NALCN: variants seen among roughly 807,000 people sequenced by gnomAD.
The protein encoded by NALCN is sodium leak channel NALCN.
A neutral mutation model predicts 225.3 loss-of-function variants in NALCN; 111 were observed. That is an observed-to-expected ratio of 0.49 (90% CI 0.42 to 0.58). The LOEUF is 0.58. NALCN is among the 20% of genes least tolerant of loss of function. The pLI is 0.00. For synonymous variants in NALCN, 764 were observed against 769.0 expected (o/e 0.99, Z 0.11); for missense variants, 1,378 against 2,202.4 (o/e 0.63, Z 7.49).
chr13:101,073,713 T>G, intron 36 of NALCN, 36 bp from the exon 37 acceptor site: 3 of 1,555,258 alleles, frequency 1.9e-6, no homozygotes, highest in Non-Finnish European at 2.6e-6. Context: ...GAATGTGAAT[T>G]ATAGAAGGGT....
In NALCN at chr13:101,089,651, A is replaced by G. The variant is rs749564942; in HGVS notation, c.3489+12T>C. On this transcript the variant is annotated intron_variant, in intron 30 of 43. Coordinates refer to ENST00000251127, the MANE Select transcript of NALCN (RefSeq NM_052867.4). The surrounding 1 kb of genome is among the most constrained non-coding windows in gnomAD (Gnocchi z 4.7). ...GGCTAAACCCTGTGGTATCCAAACCAAAAATCCTTACCTTGTTTTCATTGA... is the reference window on the plus strand; with the variant it reads ...GGCTAAACCCTGTGGTATCCAAACCGAAAATCCTTACCTTGTTTTCATTGA... The G allele has an allele frequency of 1.9e-6, 3 of 1,612,450 alleles. No individual in the cohort carries two copies. The highest frequency in any genetic ancestry group is 2.5e-6 in the Non-Finnish European group (3 of 1,179,534).
intron 18 of NALCN, among the ~76,000 whole-genome samples, chr13:101,121,554 C>G (rs1297672120): frequency 6.6e-6 from 1 of 152,076 alleles, no homozygotes; most frequent in Non-Finnish European, 1.5e-5. Flanking sequence ...GGCGAGGAAC[C>G]TCTTGGATAA....
intron 3 of NALCN, among the ~76,000 whole-genome samples, chr13:101,392,680 T>C (rs1394426855): frequency 6.6e-6 from 1 of 152,144 alleles, no homozygotes; most frequent in Non-Finnish European, 1.5e-5. Flanking sequence ...TTTAAGTAAG[T>C]AAAAGCAACT....
intron 17 of NALCN, among the ~76,000 whole-genome samples, chr13:101,131,557 T>A (rs2036521802): frequency 6.6e-6 from 1 of 152,158 alleles, no homozygotes; most frequent in African/African-American, 2.4e-5. Flanking sequence ...CTTTTATCCT[T>A]ATCACTCTTG....
At chr13:101,355,707 C>G (rs1229705122) in intron 6 of NALCN, among the ~76,000 whole-genome samples, 1 of 152,134 alleles carries the variant, frequency 6.6e-6, no homozygotes, top group Non-Finnish European at 1.5e-5. Flanking sequence ...ACCTAATGGA[C>G]ATCTATAGAA....
intron 17 of NALCN, among the ~76,000 whole-genome samples, chr13:101,133,158 C>A (rs778409105): frequency 6.6e-6 from 1 of 152,126 alleles, no homozygotes; most frequent in Non-Finnish European, 1.5e-5. Context: ...CTTTAGGATG[C>A]GGCAATGCTT....
chr13:101,392,036 A>G (rs2047162978), intron 3 of NALCN, among the ~76,000 whole-genome samples: 1 of 151,748 alleles, frequency 6.6e-6, no homozygotes, highest in African/African-American at 2.4e-5. Context: ...AAATAAAAAT[A>G]AAAATAAAAC....
chr13:101,157,203 A>G (rs2037946726), intron 15 of NALCN, among the ~76,000 whole-genome samples: 1 of 152,154 alleles, frequency 6.6e-6, no homozygotes, highest in African/African-American at 2.4e-5. Flanking sequence ...AAACTAGCTA[A>G]ATACATGTAT....
chr13:101,244,856 C>A (rs183696511), intron 11 of NALCN, among the ~76,000 whole-genome samples: 1 of 152,182 alleles, frequency 6.6e-6, no homozygotes, highest in Non-Finnish European at 1.5e-5. Context: ...GCTCTAGTAA[C>A]CACTTCTCAA....
Position 101,103,158 on chromosome 13 carries a change from T to C in NALCN, c.3057+14A>G, listed in dbSNP as rs1235211905. ...ACTACTGTGAACTGGAATCAAAGGATAATTCTCACATACCAAAAAAATTTC... is the reference window on the plus strand; with the variant it reads ...ACTACTGTGAACTGGAATCAAAGGACAATTCTCACATACCAAAAAAATTTC... On this transcript the variant is annotated intron_variant, in intron 26 of 43. Transcript: ENST00000251127. 2.5e-6 allele frequency: 4 copies of C among 1,610,890 alleles called. No individual in the cohort carries two copies. The highest frequency in any genetic ancestry group is 1.1e-5 in the South Asian group (1 of 90,416).
At position 101,083,696 on chromosome 13, in the gene NALCN, G is replaced by A; in HGVS notation, c.3583+15C>T. 1.2e-6 allele frequency: 2 copies of A among 1,611,276 alleles called. No individual in the cohort carries two copies. The highest frequency in any genetic ancestry group is 1.7e-6 in the Non-Finnish European group (2 of 1,177,672). The stretch of plus-strand genomic sequence containing the variant: ...CTAGTGCCCAACATGAATAAAATCA[G>A]AGCATTTTGGGTACCCGGGCGAGGC... On this transcript the variant is annotated intron_variant, in intron 31 of 43. Transcript: ENST00000251127.
intron 1 of NALCN, among the ~76,000 whole-genome samples, chr13:101,416,011 G>A (rs1473548757): frequency 1.3e-5 from 2 of 152,016 alleles, no homozygotes; most frequent in South Asian, 2.1e-4. Flanking sequence ...GGCATCCCGC[G>A]GCAGGCGCCC....
intron 7 of NALCN, among the ~76,000 whole-genome samples, chr13:101,317,736 A>C (rs964417138): frequency 2.0e-5 from 3 of 152,178 alleles, no homozygotes; most frequent in Non-Finnish European, 2.9e-5. Flanking sequence ...CCACTCTGAA[A>C]GCCTCAGAGA....
chr13:101,220,008 AAATAGTGCTG>A (rs1391022926), intron 13 of NALCN, among the ~76,000 whole-genome samples: 4 of 152,188 alleles, frequency 2.6e-5, no homozygotes, highest in African/African-American at 9.7e-5. Flanking sequence ...CACACCTGGT[AAATAGTGCTG>A]AAGCAGATTC....
intron 18 of NALCN, among the ~76,000 whole-genome samples, chr13:101,114,450 TC>T (rs2035604903): frequency 6.6e-6 from 1 of 152,058 alleles, no homozygotes; most frequent in African/African-American, 2.4e-5. Flanking sequence ...TCTCTCTCTC[TC>T]TCGCTGACTT....
chr13:101,176,294 A>C lies in NALCN; in HGVS notation c.1839+6T>G. The stretch of plus-strand genomic sequence containing the variant: ...TTTTAAAAAAAATCCCCCACACACT[A>C]CTTACTTGTTTAAGCTTCTTTAGGT... On this transcript the variant is annotated splice_donor_region_variant and intron_variant, in intron 15 of 43. Coordinates refer to ENST00000251127, the MANE Select transcript of NALCN (RefSeq NM_052867.4). The C allele has an allele frequency of 1.3e-6, 2 of 1,569,334 alleles. No individual in the cohort carries two copies. Among genetic ancestry groups the C allele is most frequent in the Non-Finnish European group, 1.7e-6 (2 of 1,163,042 alleles).
At chr13:101,409,293 T>A (rs1224525433) in intron 1 of NALCN, among the ~76,000 whole-genome samples, 1 of 152,176 alleles carries the variant, frequency 6.6e-6, no homozygotes, top group Non-Finnish European at 1.5e-5. Flanking sequence ...TTATTTTTGT[T>A]TCATTGTAGT....
chr13:101,134,257 A>G (rs75185618), intron 17 of NALCN, among the ~76,000 whole-genome samples: 3,107 of 152,348 alleles, frequency 0.02, 113 homozygotes, highest in African/African-American at 0.07. Context: ...CACTATGTGT[A>G]GGAGTTAAAA....
At chr13:101,381,444 G>A (rs777870565) in intron 3 of NALCN, among the ~76,000 whole-genome samples, 9 of 152,092 alleles carry the variant, frequency 5.9e-5, no homozygotes, top group Admixed American at 2.0e-4. Context: ...TACTTGCCTC[G>A]TATATTGCAC....
Sources: gnomAD v4.1 joint callset for allele counts (sites outside exome capture counted in the v4.1 genomes callset) on GRCh38, gnomAD v4.1.1 for gene constraint, Gnocchi (gnomAD v3.1) non-coding constraint, MANE v1.5 for transcripts, NCBI Gene and HGNC (gene_info 2026-07-23, HGNC 2026-07-21) for gene names.